GPM6A: variants seen among roughly 807,000 people sequenced by gnomAD.
GPM6A encodes the protein glycoprotein M6A.
A neutral mutation model predicts 32.1 loss-of-function variants in GPM6A; 7 were observed. The observed-to-expected ratio is 0.22, with a 90% CI of 0.12 to 0.41. The LOEUF (loss-of-function observed/expected upper bound fraction) is 0.41, where lower values mean the gene tolerates loss of function less well. Ranked by LOEUF, GPM6A falls within the 10% of genes least tolerant of loss-of-function variation. The pLI is 1.00. For synonymous variants in GPM6A, 130 were observed against 123.4 expected (o/e 1.05, Z -0.35); for missense variants, 235 against 347.2 (o/e 0.68, Z 2.57).
chr4:175,821,734 C>T (rs1381670908), intron 1 of GPM6A, among the ~76,000 whole-genome samples: 1 of 151,664 alleles, frequency 6.6e-6, no homozygotes, highest in African/African-American at 2.4e-5. Flanking sequence ...CTAAATCTCT[C>T]AAGACTTTTT....
intron 1 of GPM6A, among the ~76,000 whole-genome samples, chr4:175,998,014 C>T (rs1741362360): frequency 6.6e-6 from 1 of 152,180 alleles, no homozygotes; most frequent in African/African-American, 2.4e-5. Context: ...TAATTCATTT[C>T]ATGGGTTTTC....
At chr4:175,663,615 A>AATATGTGGT (rs1742560445) in intron 3 of GPM6A, among the ~76,000 whole-genome samples, 1 of 152,226 alleles carries the variant, frequency 6.6e-6, no homozygotes, top group Non-Finnish European at 1.5e-5. Context: ...ATTTGAAACC[A>AATATGTGGT]ATATGTGGTA....
chr4:175,804,667 A>G (rs1414292944), intron 1 of GPM6A, among the ~76,000 whole-genome samples: 1 of 152,224 alleles, frequency 6.6e-6, no homozygotes, highest in Non-Finnish European at 1.5e-5. Flanking sequence ...TTGACAAATA[A>G]ATCATGCTAG....
chr4:175,936,326 A>C (rs1049264289), intron 1 of GPM6A, among the ~76,000 whole-genome samples: 1 of 150,156 alleles, frequency 6.7e-6, no homozygotes, highest in African/African-American at 2.4e-5. Context: ...AAAAAAAAAA[A>C]AAAAAAAAAA....
chr4:175,877,231 G>T (rs2111449921), intron 1 of GPM6A, among the ~76,000 whole-genome samples: 1 of 152,240 alleles, frequency 6.6e-6, no homozygotes, highest in African/African-American at 2.4e-5. Context: ...TTTTGTCCCT[G>T]CCTCAGTGGT....
At chr4:175,899,084 AGAT>A (rs1737877983) in intron 1 of GPM6A, among the ~76,000 whole-genome samples, 1 of 152,182 alleles carries the variant, frequency 6.6e-6, no homozygotes, top group Non-Finnish European at 1.5e-5. Flanking sequence ...GTCCATGTTT[AGAT>A]GCCACATATT....
chr4:175,855,618 C>T lies in GPM6A; in HGVS notation c.-22-43369G>A, dbSNP rs867594148. 2.6e-5 allele frequency among the ~76,000 whole-genome samples: 4 copies of T among 152,174 alleles called. No homozygotes were observed. The South Asian group carries it at 6.2e-4, about 24-fold the overall frequency. On this transcript the variant is annotated intron_variant, in intron 1 of 7. Transcript: ENST00000280187. The stretch of plus-strand genomic sequence containing the variant: ...GTAGAGGATAACAATTCTAATAGTA[C>T]TAGATTAATGTACTGGAATTGAACA...
At chr4:175,636,087 A>T (rs1740567971) in intron 6 of GPM6A, among the ~76,000 whole-genome samples, 1 of 151,684 alleles carries the variant, frequency 6.6e-6, no homozygotes, top group Non-Finnish European at 1.5e-5. Context: ...TAATTTTGAC[A>T]CGGGATGTAG....
chr4:175,775,211 T>G (rs1733346360), intron 1 of GPM6A, among the ~76,000 whole-genome samples: 1 of 152,096 alleles, frequency 6.6e-6, no homozygotes, highest in Admixed American at 6.6e-5. Context: ...GAGCAATATC[T>G]CCGTATCAAA....
At chr4:175,803,554 CG>C (rs1460773916) in intron 1 of GPM6A, among the ~76,000 whole-genome samples, 1 of 152,066 alleles carries the variant, frequency 6.6e-6, no homozygotes, top group African/African-American at 2.4e-5. Context: ...TTGTAATAGG[CG>C]CTTTTACCTA....
At chr4:175,741,206 C>T (rs370546303) in intron 1 of GPM6A, among the ~76,000 whole-genome samples, 46 of 152,160 alleles carry the variant, frequency 3.0e-4, no homozygotes, top group African/African-American at 1.0e-3. Flanking sequence ...CAATACCACA[C>T]ATAAGAAATA....
intron 1 of GPM6A, among the ~76,000 whole-genome samples, chr4:175,991,898 G>C (rs1362661452): frequency 6.6e-6 from 1 of 151,986 alleles, no homozygotes; most frequent in East Asian, 1.9e-4. Context: ...ATCATTTCTA[G>C]AACTTGTAAA....
intron 1 of GPM6A, among the ~76,000 whole-genome samples, chr4:175,759,161 T>A (rs1396436520): frequency 6.6e-6 from 1 of 152,132 alleles, no homozygotes; most frequent in African/African-American, 2.4e-5. Flanking sequence ...AATCTCACTG[T>A]TAGTGTCTGA....
intron 1 of GPM6A, among the ~76,000 whole-genome samples, chr4:175,748,427 T>G (rs538578953): frequency 6.6e-6 from 1 of 152,238 alleles, no homozygotes; most frequent in African/African-American, 2.4e-5. Flanking sequence ...TTAGCAGGCA[T>G]GAAAACATTA....
At chr4:175,704,950 C>T (rs1017783878) in intron 1 of GPM6A, among the ~76,000 whole-genome samples, 2 of 152,176 alleles carry the variant, frequency 1.3e-5, no homozygotes, top group Non-Finnish European at 2.9e-5. Flanking sequence ...AAGCTCATGA[C>T]TGATCACCAA....
intron 3 of GPM6A, among the ~76,000 whole-genome samples, chr4:175,661,473 A>G (rs1403423782): frequency 1.3e-5 from 2 of 150,974 alleles, no homozygotes; most frequent in Admixed American, 1.3e-4. Context: ...GTCACTGAGG[A>G]TGTTAGTTTT....
chr4:175,923,136 T>G (rs2111529249), intron 1 of GPM6A, among the ~76,000 whole-genome samples: 1 of 151,254 alleles, frequency 6.6e-6, no homozygotes, highest in Non-Finnish European at 1.5e-5. Flanking sequence ...GCTGAATCTT[T>G]GCTAAGGTAT....
intron 1 of GPM6A, among the ~76,000 whole-genome samples, chr4:175,721,308 T>G (rs1746121589): frequency 6.6e-6 from 1 of 151,600 alleles, no homozygotes; most frequent in Non-Finnish European, 1.5e-5. Context: ...AAACCCCGTC[T>G]TTACTAAAAA....
At chr4:175,637,077 T>C (rs941618882) in intron 6 of GPM6A, among the ~76,000 whole-genome samples, 2 of 117,532 alleles carry the variant, frequency 1.7e-5, no homozygotes, top group East Asian at 2.4e-4. Flanking sequence ...TATAAAAATA[T>C]ATAACATATA....
Sources: gnomAD v4.1 joint callset for allele counts (sites outside exome capture counted in the v4.1 genomes callset) on GRCh38, gnomAD v4.1.1 for gene constraint, MANE v1.5 for transcripts, NCBI Gene and HGNC (gene_info 2026-07-23, HGNC 2026-07-21) for gene names.